CSMD1: variants seen among roughly 807,000 people sequenced by gnomAD.
The protein encoded by CSMD1 is CUB and sushi domain-containing protein 1.
Under a neutral mutation model 417.5 loss-of-function variants are expected in CSMD1, and 213 were observed. The observed-to-expected ratio is 0.51, with a 90% CI of 0.46 to 0.57. The LOEUF (loss-of-function observed/expected upper bound fraction) is 0.57, where lower values mean the gene tolerates loss of function less well. Among genes scored for constraint, CSMD1 ranks in the 20% least tolerant of loss-of-function variants. The pLI is 0.00. For missense variants in CSMD1, 6,923 were observed against 4,529.7 expected (o/e 1.53, Z -15.17); for synonymous variants, 2,862 against 1,736.8 (o/e 1.65, Z -16.11).
Position 3,969,372 on chromosome 8 carries a change from C to T in CSMD1, c.818+28531G>A, listed in dbSNP as rs550761430. 1.1e-4 allele frequency among the ~76,000 whole-genome samples: 17 copies of T among 152,306 alleles called. No homozygotes were observed. The South Asian group carries it at 2.9e-3, about 26-fold the overall frequency. ...TGGAACATCACAGAATGCTCAGAAG[C>T]TGAAAAACATTGCTCCAATCTCTCA... On this transcript the variant is annotated intron_variant, in intron 5 of 69. Coordinates refer to ENST00000635120, the MANE Select transcript of CSMD1 (RefSeq NM_033225.6).
At chr8:4,691,752 A>G (rs1013152596) in intron 1 of CSMD1, among the ~76,000 whole-genome samples, 1 of 152,216 alleles carries the variant, frequency 6.6e-6, no homozygotes, top group Non-Finnish European at 1.5e-5. Context: ...ATCTGTAGCT[A>G]TCTAGCCCAG....
chr8:3,800,305 G>A (rs1304359111), intron 5 of CSMD1, among the ~76,000 whole-genome samples: 2 of 152,094 alleles, frequency 1.3e-5, no homozygotes, highest in Non-Finnish European at 2.9e-5. Context: ...GTTATACTGG[G>A]CAAATCACAT....
intron 26 of CSMD1, among the ~76,000 whole-genome samples, chr8:3,248,592 C>T (rs117018042): frequency 0.083 from 11,240 of 135,870 alleles, 566 homozygotes; most frequent in Admixed American, 0.16. Flanking sequence ...TACAGTGGCG[C>T]GATCTCAGCT....
At chr8:3,764,094 T>A (rs1439521645) in intron 5 of CSMD1, among the ~76,000 whole-genome samples, 1 of 152,086 alleles carries the variant, frequency 6.6e-6, no homozygotes, top group East Asian at 1.9e-4. Context: ...CTGGTTGCAC[T>A]CAAAAAGACA....
chr8:3,333,696 T>C (rs1219021072), intron 23 of CSMD1, among the ~76,000 whole-genome samples: 2 of 152,234 alleles, frequency 1.3e-5, no homozygotes, highest in Non-Finnish European at 2.9e-5. Flanking sequence ...CCCTATTCTA[T>C]ACTTTCCCCT....
intron 9 of CSMD1, among the ~76,000 whole-genome samples, chr8:3,579,679 T>C (rs1800299780): frequency 6.6e-6 from 1 of 152,236 alleles, no homozygotes; most frequent in Non-Finnish European, 1.5e-5. Flanking sequence ...AGGTAGTCAG[T>C]AGCTGTCTCA....
At chr8:3,487,364 G>A (rs1375694773) in intron 11 of CSMD1, among the ~76,000 whole-genome samples, 1 of 152,012 alleles carries the variant, frequency 6.6e-6, no homozygotes, top group Admixed American at 6.6e-5. Flanking sequence ...ACCACGCCCG[G>A]CTAATTTTTT....
intron 7 of CSMD1, among the ~76,000 whole-genome samples, chr8:3,693,948 TG>T (rs1800397303): frequency 6.7e-6 from 1 of 149,948 alleles, no homozygotes; most frequent in Non-Finnish European, 1.5e-5. Context: ...CGTCGTGTGT[TG>T]GATATAGGGG....
chr8:4,743,583 T>C (rs1563270712), intron 1 of CSMD1, among the ~76,000 whole-genome samples: 1 of 152,186 alleles, frequency 6.6e-6, no homozygotes, highest in Non-Finnish European at 1.5e-5. Context: ...ATCCTGATTA[T>C]TGGGTCATTC....
intron 2 of CSMD1, among the ~76,000 whole-genome samples, chr8:4,570,578 T>C (rs1319470303): frequency 2.0e-5 from 3 of 152,192 alleles, no homozygotes; most frequent in Non-Finnish European, 4.4e-5. Context: ...TCATCGGGCA[T>C]ATTAGGCCTA....
chr8:4,137,874 T>A (rs74660907), intron 3 of CSMD1, among the ~76,000 whole-genome samples: 19 of 149,382 alleles, frequency 1.3e-4, no homozygotes, highest in Admixed American at 7.4e-4. Flanking sequence ...TTATTTTTTT[T>A]AATTAATTTA....
At chr8:4,078,916 T>A (rs1209615046) in intron 3 of CSMD1, among the ~76,000 whole-genome samples, 18 of 28,238 alleles carry the variant, frequency 6.4e-4, no homozygotes, top group African/African-American at 1.2e-3. Flanking sequence ...TATATATATA[T>A]ATATATATAT....
chr8:4,039,917 G>C (rs1219879843), intron 3 of CSMD1, among the ~76,000 whole-genome samples: 1 of 152,172 alleles, frequency 6.6e-6, no homozygotes, highest in Admixed American at 6.5e-5. Context: ...AAAGGGGAAT[G>C]AAAAGTAAAG....
At chr8:3,072,746 G>T (rs565582381) in intron 49 of CSMD1, among the ~76,000 whole-genome samples, 1 of 152,254 alleles carries the variant, frequency 6.6e-6, no homozygotes, top group African/African-American at 2.4e-5. Context: ...AAGGCATGAG[G>T]TTCTTCCATT....
At chr8:3,327,365 C>A (rs571582550) in intron 23 of CSMD1, among the ~76,000 whole-genome samples, 3 of 152,056 alleles carry the variant, frequency 2.0e-5, no homozygotes, top group Admixed American at 6.6e-5. Flanking sequence ...GATCTCGTGA[C>A]CTTGTGATCT....
At chr8:4,552,131 C>A (rs1350967080) in intron 2 of CSMD1, among the ~76,000 whole-genome samples, 2 of 152,166 alleles carry the variant, frequency 1.3e-5, no homozygotes, top group African/African-American at 4.8e-5. Context: ...TTAGAAGGCA[C>A]AAAATCTAAC....
Position 3,219,303 on chromosome 8 carries a change from G to A in CSMD1, c.4624C>T (p.Arg1542Trp). The A allele has an allele frequency of 1.3e-6, 2 of 1,591,824 alleles. No individual in the cohort carries two copies. The highest frequency in any genetic ancestry group is 1.7e-6 in the Non-Finnish European group (2 of 1,168,250). Residue 1542 changes from arginine (R) to tryptophan (W), a missense_variant, in exon 29 of 70, where the codon CGG becomes TGG. Arg to Trp is a moderately radical substitution (Grantham distance 101). Transcript: ENST00000635120. ...SSGNSLFLAF[R>W]SDASVGLSGF... is the part of the protein sequence containing the mutation. ...GAAAGGCCCACGGAGGCATCACTCC[G>A]AAATGCCAGAAACAGGCTGTTTCCG...
chr8:3,748,718 C>T (rs1336501581), intron 6 of CSMD1, among the ~76,000 whole-genome samples: 1 of 152,174 alleles, frequency 6.6e-6, no homozygotes, highest in African/African-American at 2.4e-5. Context: ...AACCTGGGAA[C>T]ATGGGGCTTT....
At chr8:3,968,970 G>C (rs2627460) in intron 5 of CSMD1, among the ~76,000 whole-genome samples, 18,853 of 152,144 alleles carry the variant, frequency 0.12, 1,210 homozygotes, top group Middle Eastern at 0.15. Context: ...CCTAATGCAG[G>C]GCAGGGACAG....
Sources: allele counts gnomAD v4.1 joint callset (sites outside exome capture counted in the v4.1 genomes callset), GRCh38; gene constraint gnomAD v4.1.1; transcripts MANE v1.5; gene names NCBI Gene and HGNC (gene_info 2026-07-23, HGNC 2026-07-21).